Variants in CAMKMT observed in about 807,000 individuals in gnomAD.
CAMKMT encodes the protein calmodulin-lysine N-methyltransferase, also known as CaM KMT.
A neutral mutation model predicts 48.0 loss-of-function variants in CAMKMT; 53 were observed. The observed-to-expected ratio is 1.10, with a 90% CI of 0.89 to 1.39. CAMKMT has a LOEUF of 1.39. CAMKMT is among the 40% of genes most tolerant of loss of function. The pLI is 0.00. For synonymous variants in CAMKMT, 165 were observed against 152.3 expected (o/e 1.08, Z -0.61); for missense variants, 428 against 402.7 (o/e 1.06, Z -0.54).
chr2:44,446,446 A>T (rs1667002433), intron 3 of CAMKMT, among the ~76,000 whole-genome samples: 1 of 151,994 alleles, frequency 6.6e-6, no homozygotes, highest in Non-Finnish European at 1.5e-5. Context: ...TCCTGGGTTC[A>T]AGCAATTCTC....
chr2:44,391,450 C>T (rs1085489), intron 3 of CAMKMT, among the ~76,000 whole-genome samples: 124,625 of 152,050 alleles, frequency 0.82, 52,027 homozygotes, highest in African/African-American at 0.9. Flanking sequence ...AGTGAATTCT[C>T]TCCCACTTAG....
chr2:44,641,662 A>G (rs1365045265), intron 3 of CAMKMT, among the ~76,000 whole-genome samples: 1 of 152,082 alleles, frequency 6.6e-6, no homozygotes, highest in Non-Finnish European at 1.5e-5. Flanking sequence ...GCCTCAAGCA[A>G]TCCTCCCACC....
chr2:44,662,082 G>A (rs1674707678), intron 3 of CAMKMT, among the ~76,000 whole-genome samples: 1 of 152,134 alleles, frequency 6.6e-6, no homozygotes, highest in South Asian at 2.1e-4. Flanking sequence ...CTTAATCAGA[G>A]ACTAACAGAT....
chr2:44,547,459 G>T (rs1000955728), intron 3 of CAMKMT, among the ~76,000 whole-genome samples: 3 of 152,136 alleles, frequency 2.0e-5, no homozygotes, highest in African/African-American at 7.2e-5. Context: ...ACTTGAGGCT[G>T]TAGTGCACCA....
chr2:44,579,544 A>G (rs746182927), intron 3 of CAMKMT, among the ~76,000 whole-genome samples: 6 of 152,228 alleles, frequency 3.9e-5, no homozygotes, highest in Non-Finnish European at 7.3e-5. Context: ...TGCTGTTGAA[A>G]AAGACATTTA....
chr2:44,450,692 G>A (rs1012930397), intron 3 of CAMKMT, among the ~76,000 whole-genome samples: 11 of 151,532 alleles, frequency 7.3e-5, no homozygotes, highest in South Asian at 4.2e-4. Flanking sequence ...CATTTCTTTC[G>A]TATTTGAAAA....
At chr2:44,756,234 T>C (rs1246704265) in intron 9 of CAMKMT, among the ~76,000 whole-genome samples, 1 of 152,238 alleles carries the variant, frequency 6.6e-6, no homozygotes, top group African/African-American at 2.4e-5. Flanking sequence ...GTCCAGAGCA[T>C]GGGAGCAACC....
chr2:44,486,202 A>G (rs1244666036), intron 3 of CAMKMT, among the ~76,000 whole-genome samples: 1 of 152,062 alleles, frequency 6.6e-6, no homozygotes, highest in Non-Finnish European at 1.5e-5. Flanking sequence ...CCTGGCCTCA[A>G]GTGATCCACC....
chr2:44,526,981 T>C (rs1242962806), intron 3 of CAMKMT, among the ~76,000 whole-genome samples: 1 of 151,828 alleles, frequency 6.6e-6, no homozygotes, highest in African/African-American at 2.4e-5. Context: ...TAAAACAATT[T>C]TACAACCAAT....
At chr2:44,487,981 G>A (rs774158908) in intron 3 of CAMKMT, among the ~76,000 whole-genome samples, 2 of 152,180 alleles carry the variant, frequency 1.3e-5, no homozygotes, top group Non-Finnish European at 2.9e-5. Flanking sequence ...GGTAGTTTCT[G>A]CCTCATTTTC....
intron 3 of CAMKMT, among the ~76,000 whole-genome samples, chr2:44,484,655 A>C (rs1396923896): frequency 6.6e-6 from 1 of 150,658 alleles, no homozygotes; most frequent in Non-Finnish European, 1.5e-5. Context: ...GAATATCTTC[A>C]TGACCCTGAG....
intron 3 of CAMKMT, among the ~76,000 whole-genome samples, chr2:44,582,282 CTT>C (rs1398656047): frequency 2.0e-5 from 3 of 152,180 alleles, no homozygotes; most frequent in African/African-American, 7.2e-5. Context: ...CATTTTTGCT[CTT>C]TCTCTCTGAA....
chr2:44,712,586 A>G (rs568149599), intron 6 of CAMKMT, among the ~76,000 whole-genome samples: 1 of 152,258 alleles, frequency 6.6e-6, no homozygotes, highest in East Asian at 1.9e-4. Context: ...TTAGCCACAA[A>G]CATATATCCT....
At position 44,618,385 on chromosome 2, in the gene CAMKMT, C is replaced by A. The variant is rs1326593196; in HGVS notation, c.377-85898C>A. Among the ~76,000 whole-genome samples, 1 of 152,184 alleles carries A rather than the reference C, an allele frequency of 6.6e-6. No individual in the cohort carries two copies. Among genetic ancestry groups the A allele is most frequent in the Non-Finnish European group, 1.5e-5 (1 of 68,020 alleles). ...GGCCCTTGGAGATTAACTGAACAGC[C>A]TTCCTACCAATTCCCAAGCCTGTCA... On this transcript the variant is annotated intron_variant, in intron 3 of 10. Coordinates refer to ENST00000378494, the MANE Select transcript of CAMKMT (RefSeq NM_024766.5). This position sits in a 1 kb window ranked among gnomAD's most constrained non-coding sequence, Gnocchi z 4.0.
At chr2:44,485,509 G>C (rs1275890172) in intron 3 of CAMKMT, among the ~76,000 whole-genome samples, 3 of 152,084 alleles carry the variant, frequency 2.0e-5, no homozygotes, top group African/African-American at 4.8e-5. Context: ...GTGTCCTTAG[G>C]CAATTTTGTT....
At chr2:44,741,997 G>T (rs1291743838) in intron 7 of CAMKMT, among the ~76,000 whole-genome samples, 1 of 151,992 alleles carries the variant, frequency 6.6e-6, no homozygotes, top group East Asian at 1.9e-4. Context: ...AAATTCATAT[G>T]ATGGATAGAT....
intron 3 of CAMKMT, among the ~76,000 whole-genome samples, chr2:44,563,014 G>T (rs565582047): frequency 1.3e-5 from 2 of 152,126 alleles, no homozygotes; most frequent in Non-Finnish European, 2.9e-5. Flanking sequence ...TTTTTTAACA[G>T]ACATTACATT....
chr2:44,606,578 A>C (rs540351505), intron 3 of CAMKMT, among the ~76,000 whole-genome samples: 1 of 152,280 alleles, frequency 6.6e-6, no homozygotes, highest in African/African-American at 2.4e-5. Context: ...AGAAAACTAA[A>C]TATATCCAGC....
In CAMKMT at chr2:44,589,647, G is replaced by A. The variant is rs570353648; in HGVS notation, c.377-114636G>A. ...ACTCAGGGTTACATGGATTAAAGGC[G>A]GTGCAAGATGTGCTTTGTTAAACAG... On this transcript the variant is annotated intron_variant, in intron 3 of 10. Coordinates refer to ENST00000378494, the MANE Select transcript of CAMKMT (RefSeq NM_024766.5). Among the ~76,000 whole-genome samples the A allele has an allele frequency of 2.1e-4, 17 of 80,940 alleles. 6 individuals are homozygous for A. The highest frequency in any genetic ancestry group is 7.6e-4 in the African/African-American group (16 of 21,192). 53.1% of individuals were successfully genotyped at this position (80,940 alleles called of 152,430 possible). A position where few individuals can be genotyped will look rare whatever the true frequency, so the allele number is the denominator to read the frequency against.
Sources: allele counts gnomAD v4.1 joint callset (sites outside exome capture counted in the v4.1 genomes callset), GRCh38; gene constraint gnomAD v4.1.1; non-coding constraint Gnocchi (gnomAD v3.1); transcripts MANE v1.5; gene names NCBI Gene and HGNC (gene_info 2026-07-23, HGNC 2026-07-21).